Variants in CLDN16 observed in about 807,000 individuals in gnomAD.
CLDN16 encodes claudin-16.
In CLDN16, 13 loss-of-function variants were observed where a neutral mutation model predicts 24.6. That is an observed-to-expected ratio of 0.53 (90% CI 0.34 to 0.84). The LOEUF is 0.84. Ranked by LOEUF, CLDN16 falls within the 40% of genes least tolerant of loss-of-function variation. CLDN16 has a pLI of 0.01. For missense variants in CLDN16, 298 were observed against 292.7 expected, an observed-to-expected ratio of 1.02 and a Z score of -0.13; for synonymous variants, 116 against 106.7, an observed-to-expected ratio of 1.09 and a Z score of -0.54.
At chr3:190,388,944 A>G (rs1000775380) in intron 1 of CLDN16, among the ~76,000 whole-genome samples, 3 of 152,360 alleles carry the variant, frequency 2.0e-5, no homozygotes, top group African/African-American at 7.2e-5. Context: ...AGGAAAAAAC[A>G]TTATCTTAAT....
At chr3:190,348,280 C>CAAAAA (rs34092127) in intron 1 of CLDN16, among the ~76,000 whole-genome samples, 1 of 76,984 alleles carries the variant, frequency 1.3e-5, no homozygotes, top group Non-Finnish European at 2.2e-5. Context: ...AAGAATAAAT[C>CAAAAA]AAAAAAAAAA....
intron 1 of CLDN16, among the ~76,000 whole-genome samples, chr3:190,369,678 C>T (rs1351434898): frequency 6.6e-6 from 1 of 151,882 alleles, no homozygotes; most frequent in Non-Finnish European, 1.5e-5. Flanking sequence ...TCTATGTCAA[C>T]AAACATAAAT....
chr3:190,343,302 A>C (rs987418239), intron 1 of CLDN16, among the ~76,000 whole-genome samples: 1 of 152,132 alleles, frequency 6.6e-6, no homozygotes, highest in African/African-American at 2.4e-5. Flanking sequence ...AAAAGACAAG[A>C]GATAAAAAAT....
upstream of CLDN16, among the ~76,000 whole-genome samples, chr3:190,384,208 GA>G (rs11293809): frequency 0.19 from 28,255 of 152,012 alleles, 3,048 homozygotes; most frequent in Middle Eastern, 0.29. Context: ...ATTTCAAAGG[GA>G]GTTAGAAGAC....
intron 1 of CLDN16, among the ~76,000 whole-genome samples, chr3:190,362,672 G>A (rs1006041608): frequency 6.6e-6 from 1 of 151,974 alleles, no homozygotes; most frequent in African/African-American, 2.4e-5. Context: ...ATTTTTTGAA[G>A]AATATTTTCA....
intron 1 of CLDN16, among the ~76,000 whole-genome samples, chr3:190,394,220 TA>T (rs1718758002): frequency 6.6e-6 from 1 of 152,206 alleles, no homozygotes; most frequent in African/African-American, 2.4e-5. Flanking sequence ...AATTCTTAAT[TA>T]TTTACACTGA....
chr3:190,409,906 T>G lies in CLDN16; in HGVS notation c.578T>G (p.Val193Gly), dbSNP rs1416877202. Residue 193 changes from valine to glycine, a missense_variant, in exon 5 of 5, where the codon GTT (valine) becomes GGT (glycine). Transcript: ENST00000264734. ...LTCCLYLFKDVGPERNYPYSL... is the reference protein window; with the variant it reads ...LTCCLYLFKDGGPERNYPYSL... ...TTTTTATATTTCTTTCAAACAGATG[T>G]TGGACCTGAGAGAAACTATCCTTAT... 2 of 1,613,994 alleles carry G rather than the reference T, an allele frequency of 1.2e-6. No individual in the cohort carries two copies. Among genetic ancestry groups the G allele is most frequent in the Non-Finnish European group, 1.7e-6 (2 of 1,179,878 alleles).
intron 1 of CLDN16, among the ~76,000 whole-genome samples, chr3:190,365,022 A>C (rs955304030): frequency 9.2e-5 from 14 of 151,626 alleles, no homozygotes; most frequent in African/African-American, 3.4e-4. Flanking sequence ...TTTACTGGGA[A>C]TTTGCTCTCA....
chr3:190,412,053 A>G lies in CLDN16; in HGVS notation c.*2017A>G, dbSNP rs374777475. 10 of 152,268 alleles carry G rather than the reference A, an allele frequency of 6.6e-5. No individual in the cohort carries two copies. Among genetic ancestry groups the G allele is most frequent in the African/African-American group, 2.2e-4 (9 of 41,584 alleles). The allele number at this position is 152,268 out of a possible 1,614,324, so 9.4% of individuals were successfully genotyped here. ...TCCATTTTAAATATTTCATTTGTAT[A>G]AGAAAATATTTCAGAGAACCATGAT... On this transcript the variant is annotated 3_prime_UTR_variant, in exon 5 of 5. Coordinates refer to ENST00000264734, the MANE Select transcript of CLDN16 (RefSeq NM_006580.4).
chr3:190,357,483 T>C (rs1388328587), intron 1 of CLDN16, among the ~76,000 whole-genome samples: 1 of 151,924 alleles, frequency 6.6e-6, no homozygotes, highest in Non-Finnish European at 1.5e-5. Flanking sequence ...CTCATTCTAG[T>C]TCCTCTTCTG....
At chr3:190,333,640 TTCAGCA>T (rs1480988083) in intron 1 of CLDN16, among the ~76,000 whole-genome samples, 1 of 152,104 alleles carries the variant, frequency 6.6e-6, no homozygotes, top group Non-Finnish European at 1.5e-5. Flanking sequence ...CTGCCTAATG[TTCAGCA>T]GCCCATTGTG....
At chr3:190,312,824 TACCAGGA>T in the CLDN16 span, 1 of 1,600,660 alleles carries the variant, frequency 6.2e-7, no homozygotes, top group East Asian at 2.2e-5. Context: ...TTTCAAATCA[TACCAGGA>T]ACAGGTTAGT....
At chr3:190,399,483 C>A (rs1718906933) in intron 1 of CLDN16, among the ~76,000 whole-genome samples, 1 of 151,462 alleles carries the variant, frequency 6.6e-6, no homozygotes. Context: ...GCACTCCAGC[C>A]TGGGGAAAAC....
the CLDN16 span, chr3:190,312,993 G>A: frequency 6.2e-7 from 1 of 1,614,126 alleles, no homozygotes; most frequent in East Asian, 2.2e-5. Context: ...TCACTCCCAG[G>A]AGGATGCCAA....
At chr3:190,405,678 T>C (rs943817007) in intron 3 of CLDN16, among the ~76,000 whole-genome samples, 4 of 152,158 alleles carry the variant, frequency 2.6e-5, no homozygotes, top group African/African-American at 9.7e-5. Context: ...TCCCACGTAC[T>C]AACCCATTTG....
At chr3:190,405,663 A>T (rs972414951) in intron 3 of CLDN16, among the ~76,000 whole-genome samples, 1 of 152,098 alleles carries the variant, frequency 6.6e-6, no homozygotes, top group African/African-American at 2.4e-5. Context: ...CCTATGTTAA[A>T]CTTGTCCCAC....
intron 1 of CLDN16, among the ~76,000 whole-genome samples, chr3:190,345,513 T>C (rs1280195088): frequency 1.3e-5 from 2 of 152,210 alleles, no homozygotes; most frequent in African/African-American, 4.8e-5. Flanking sequence ...ACAAGCCTCG[T>C]GTTTTTCCAG....
chr3:190,342,575 G>A (rs979392704), intron 1 of CLDN16, among the ~76,000 whole-genome samples: 3 of 152,114 alleles, frequency 2.0e-5, no homozygotes, highest in African/African-American at 2.4e-5. Flanking sequence ...AGGATACAAA[G>A]CTATAGTAAA....
intron 1 of CLDN16, among the ~76,000 whole-genome samples, chr3:190,345,182 A>T (rs1373577394): frequency 6.6e-6 from 1 of 152,152 alleles, no homozygotes; most frequent in Non-Finnish European, 1.5e-5. Flanking sequence ...CTTTGATAGT[A>T]ACCAGGGAGA....
Sources: gnomAD v4.1 joint callset for allele counts (sites outside exome capture counted in the v4.1 genomes callset) on GRCh38, gnomAD v4.1.1 for gene constraint, MANE v1.5 for transcripts, NCBI Gene and HGNC (gene_info 2026-07-23, HGNC 2026-07-21) for gene names.